Variants in ARHGAP25 observed in about 807,000 individuals in gnomAD.
ARHGAP25 encodes rho GTPase-activating protein 25.
ARHGAP25 carries 34 observed loss-of-function variants against 71.0 expected under a neutral mutation model. The ratio of observed to expected loss-of-function variants is 0.48; its 90% confidence interval spans 0.36 to 0.64. The LOEUF (loss-of-function observed/expected upper bound fraction) is 0.64. Among genes scored for constraint, ARHGAP25 ranks in the 30% least tolerant of loss-of-function variants. The probability of loss-of-function intolerance (pLI) is 0.00; values close to 1 mark genes in which losing one functional copy is unlikely to be tolerated. For missense variants in ARHGAP25, 706 were observed against 805.1 expected (o/e 0.88, Z 1.49); for synonymous variants, 282 against 296.5 (o/e 0.95, Z 0.50).
intron 2 of ARHGAP25, among the ~76,000 whole-genome samples, chr2:68,779,151 G>C (rs975485592): frequency 6.6e-6 from 1 of 152,152 alleles, no homozygotes; most frequent in Non-Finnish European, 1.5e-5. Flanking sequence ...GTCTACCAGC[G>C]GTGTGCTGGT....
Position 68,735,281 on chromosome 2 carries a change from T to C in ARHGAP25, c.61+21T>C. 1.9e-6 allele frequency: 3 copies of C among 1,611,802 alleles called. No homozygotes were observed. In the South Asian group the frequency reaches 3.3e-5, roughly 18 times the overall value. On this transcript the variant is annotated intron_variant, in intron 1 of 10. Coordinates refer to ENST00000409202, the MANE Select transcript of ARHGAP25 (RefSeq NM_001007231.3). ...AATAGGTATGGTTGGTGTCTTTTCG[T>C]TGCCTCTGTGATTCTTACGTATACT...
chr2:68,821,088 C>CTTT (rs1185006380), intron 9 of ARHGAP25, among the ~76,000 whole-genome samples: 3 of 108,590 alleles, frequency 2.8e-5, no homozygotes, highest in African/African-American at 1.1e-4. Context: ...TTTTCTTTTT[C>CTTT]TTTCTTTTTT....
chr2:68,814,962 A>G lies in ARHGAP25; in HGVS notation c.808-1327A>G, dbSNP rs1228724795. ...TATATCTGCTCACCATTGTGAAAGT[A>G]ATAAAATTTTATGGAATAAGGTTTA... On this transcript the variant is annotated intron_variant, in intron 6 of 10. Coordinates refer to ENST00000409202, the MANE Select transcript of ARHGAP25 (RefSeq NM_001007231.3). 4.6e-5 allele frequency among the ~76,000 whole-genome samples: 7 copies of G among 152,368 alleles called. No individual in the cohort carries two copies. The East Asian group carries it at 1.3e-3, about 29-fold the overall frequency.
chr2:68,825,522 T>G (rs1558670808), intron 10 of ARHGAP25, among the ~76,000 whole-genome samples: 1 of 151,936 alleles, frequency 6.6e-6, no homozygotes, highest in Non-Finnish European at 1.5e-5. Flanking sequence ...TCTCAGCACT[T>G]TGGGAGGCCA....
Position 68,736,063 on chromosome 2 carries a change from C to T in ARHGAP25, c.61+803C>T, listed in dbSNP as rs969907211. Among the ~76,000 whole-genome samples the T allele has an allele frequency of 2.0e-5, 3 of 152,212 alleles. No individual in the cohort carries two copies. In the East Asian group the frequency reaches 5.8e-4, roughly 29 times the overall value. On this transcript the variant is annotated intron_variant, in intron 1 of 10. Coordinates refer to ENST00000409202, the MANE Select transcript of ARHGAP25 (RefSeq NM_001007231.3). Reference sequence around the variant, plus strand: ...TATTGCCTACATTTATGTATCTCACCCATACATGAGATAACTTCCTTGATA... The same window carrying T: ...TATTGCCTACATTTATGTATCTCACTCATACATGAGATAACTTCCTTGATA...
intron 4 of ARHGAP25, among the ~76,000 whole-genome samples, chr2:68,806,496 A>G (rs1196713700): frequency 3.3e-5 from 5 of 152,226 alleles, no homozygotes; most frequent in African/African-American, 9.6e-5. Context: ...CCCTATACAC[A>G]TTATGTCTTT....
chr2:68,799,665 C>A (rs529849484), intron 4 of ARHGAP25, among the ~76,000 whole-genome samples: 6 of 152,046 alleles, frequency 3.9e-5, no homozygotes, highest in Non-Finnish European at 8.8e-5. Flanking sequence ...ATTTTTATTG[C>A]GGTCCTTGAC....
chr2:68,738,463 GA>G (rs575914447), intron 1 of ARHGAP25, among the ~76,000 whole-genome samples: 139 of 152,266 alleles, frequency 9.1e-4, no homozygotes, highest in Admixed American at 8.2e-3. Flanking sequence ...CTGAACATCA[GA>G]AAGTGGTGAG....
At chr2:68,821,245 C>G (rs946302442) in intron 9 of ARHGAP25, among the ~76,000 whole-genome samples, 4 of 152,050 alleles carry the variant, frequency 2.6e-5, no homozygotes. Flanking sequence ...CAGGTGCATA[C>G]TACCATGCTG....
intron 1 of ARHGAP25, among the ~76,000 whole-genome samples, chr2:68,769,966 T>C (rs1181716838): frequency 6.6e-6 from 1 of 152,168 alleles, no homozygotes; most frequent in Non-Finnish European, 1.5e-5. Flanking sequence ...CTGGGGGTCA[T>C]CAGAGGCTTT....
At chr2:68,808,108 C>T (rs565588520) in intron 5 of ARHGAP25, among the ~76,000 whole-genome samples, 4 of 152,248 alleles carry the variant, frequency 2.6e-5, no homozygotes. Flanking sequence ...CACCCCCTTC[C>T]TCCCCACCTT....
upstream of ARHGAP25, among the ~76,000 whole-genome samples, chr2:68,730,902 G>A (rs953052214): frequency 3.3e-5 from 5 of 152,052 alleles, no homozygotes; most frequent in Non-Finnish European, 5.9e-5. Flanking sequence ...CTCATGGGTC[G>A]CCTTTCCTGG....
chr2:68,722,229 T>G (rs144885591), intron 2 of ARHGAP25, among the ~76,000 whole-genome samples: 15 of 152,352 alleles, frequency 9.8e-5, no homozygotes, highest in African/African-American at 3.1e-4. Flanking sequence ...CCACAAGCTC[T>G]AAGGGCTCTT....
chr2:68,789,705 T>C (rs147642425), intron 4 of ARHGAP25, among the ~76,000 whole-genome samples: 5 of 152,216 alleles, frequency 3.3e-5, no homozygotes, highest in Admixed American at 1.3e-4. Flanking sequence ...GGATGTTGCC[T>C]AATCATGCAC....
At chr2:68,719,869 C>A (rs535775070) in intron 2 of ARHGAP25, among the ~76,000 whole-genome samples, 2 of 152,260 alleles carry the variant, frequency 1.3e-5, no homozygotes, top group South Asian at 4.2e-4. Flanking sequence ...CAGCCTCTGA[C>A]CTTCTCTTGG....
intron 1 of ARHGAP25, among the ~76,000 whole-genome samples, chr2:68,740,761 C>A (rs1156558201): frequency 1.3e-5 from 2 of 152,176 alleles, no homozygotes; most frequent in Non-Finnish European, 2.9e-5. Context: ...AGTAACTGAT[C>A]CTTTGGCTTT....
At chr2:68,780,030 C>G (rs1647988205) in intron 2 of ARHGAP25, among the ~76,000 whole-genome samples, 1 of 152,240 alleles carries the variant, frequency 6.6e-6, no homozygotes, top group Admixed American at 6.5e-5. Context: ...CTGACTGATG[C>G]TGGAATCGTA....
chr2:68,810,406 A>T (rs1011393998), intron 5 of ARHGAP25, among the ~76,000 whole-genome samples: 2 of 152,354 alleles, frequency 1.3e-5, no homozygotes, highest in African/African-American at 4.8e-5. Context: ...AGAAAATGAC[A>T]TTTAAGCTGA....
intron 2 of ARHGAP25, among the ~76,000 whole-genome samples, chr2:68,776,271 C>T (rs1042686765): frequency 7.4e-6 from 1 of 134,996 alleles, no homozygotes; most frequent in African/African-American, 2.9e-5. Context: ...GCACAGACTG[C>T]TGGGGCACTG....
Sources: allele counts gnomAD v4.1 joint callset (sites outside exome capture counted in the v4.1 genomes callset), GRCh38; gene constraint gnomAD v4.1.1; transcripts MANE v1.5; gene names NCBI Gene and HGNC (gene_info 2026-07-23, HGNC 2026-07-21).